Variants in ELAPOR1 observed in about 807,000 individuals in gnomAD.
ELAPOR1 encodes the protein endosome/lysosome-associated apoptosis and autophagy regulator 1.
ELAPOR1 carries 77 observed loss-of-function variants against 119.7 expected under a neutral mutation model. That is an observed-to-expected ratio of 0.64 (90% CI 0.54 to 0.78). The LOEUF (loss-of-function observed/expected upper bound fraction) is 0.78, where lower values mean the gene tolerates loss of function less well. Among genes scored for constraint, ELAPOR1 ranks in the 30% least tolerant of loss-of-function variants. The pLI is 0.00. For missense variants in ELAPOR1, 1,115 were observed against 1,270.4 expected (o/e 0.88, Z 1.86); for synonymous variants, 481 against 487.2 (o/e 0.99, Z 0.17).
At position 109,173,823 on chromosome 1, in the gene ELAPOR1, C is replaced by G. The variant is rs772665246; in HGVS notation, c.938C>G (p.Pro313Arg). 3 of 1,613,954 alleles carry G rather than the reference C, an allele frequency of 1.9e-6. No individual in the cohort carries two copies. Among genetic ancestry groups the G allele is most frequent in the South Asian group, 2.2e-5 (2 of 91,074 alleles). The part of the protein sequence containing the change: ...KGETSCHQCD[P>R]DKYSEKGSSS... ...GAAACTTCTTGCCACCAGTGTGACCCTGACAAATACTCAGGTGATGTTTCT... is the reference window on the plus strand; with the variant it reads ...GAAACTTCTTGCCACCAGTGTGACCGTGACAAATACTCAGGTGATGTTTCT... Residue 313 changes from proline to arginine, a missense_variant, in exon 7 of 22, where the codon CCT becomes CGT. Coordinates refer to ENST00000369939, the MANE Select transcript of ELAPOR1 (RefSeq NM_020775.5).
intron 1 of ELAPOR1, among the ~76,000 whole-genome samples, chr1:109,128,188 T>C (rs1648916551): frequency 6.6e-6 from 1 of 150,430 alleles, no homozygotes; most frequent in Non-Finnish European, 1.5e-5. Context: ...AAAGGCACTT[T>C]TAAAAGATCC....
intron 7 of ELAPOR1, among the ~76,000 whole-genome samples, chr1:109,174,210 G>T (rs1652103012): frequency 6.6e-6 from 1 of 150,472 alleles, no homozygotes; most frequent in African/African-American, 2.4e-5. Flanking sequence ...AGAGACAGGG[G>T]TCTTGCTAGT....
intron 7 of ELAPOR1, among the ~76,000 whole-genome samples, chr1:109,183,875 C>T (rs1652894051): frequency 6.6e-6 from 1 of 152,044 alleles, no homozygotes; most frequent in Non-Finnish European, 1.5e-5. Flanking sequence ...GCTGGGATTA[C>T]AGGCATGAAC....
intron 15 of ELAPOR1, among the ~76,000 whole-genome samples, chr1:109,196,688 CTT>C (rs57071302): frequency 0.25 from 36,856 of 144,674 alleles, 4,852 homozygotes; most frequent in East Asian, 0.52. Context: ...AGATTTAGCA[CTT>C]TTTTTTTTTT....
intron 1 of ELAPOR1, among the ~76,000 whole-genome samples, chr1:109,160,759 A>G (rs1399931191): frequency 6.6e-6 from 1 of 152,224 alleles, no homozygotes; most frequent in Non-Finnish European, 1.5e-5. Flanking sequence ...GTAAGTGTAG[A>G]TTGTAAAATA....
intron 1 of ELAPOR1, among the ~76,000 whole-genome samples, chr1:109,129,273 G>A (rs1648987154): frequency 6.6e-6 from 1 of 152,190 alleles, no homozygotes; most frequent in Non-Finnish European, 1.5e-5. Flanking sequence ...ACTTTGGGAG[G>A]CCTAGGCGGG....
intron 6 of ELAPOR1, 22 bp from the exon 7 acceptor site, chr1:109,173,666 C>T (rs1267087906): frequency 3.1e-6 from 5 of 1,613,424 alleles, no homozygotes; most frequent in Non-Finnish European, 3.4e-6. Flanking sequence ...CCTTGCTTTT[C>T]TGTGCTCTTC....
chr1:109,152,020 C>T (rs750508146), intron 1 of ELAPOR1, among the ~76,000 whole-genome samples: 12 of 152,038 alleles, frequency 7.9e-5, no homozygotes, highest in African/African-American at 1.9e-4. Context: ...ACTACAGGCA[C>T]GTGCCACCAC....
rs769343734 is a variant in ELAPOR1, at chr1:109,194,377, G to A, written c.1948-44G>A. 4 of 1,578,322 alleles carry A rather than the reference G, an allele frequency of 2.5e-6. No homozygotes were observed. The East Asian group carries it at 9.0e-5, about 35-fold the overall frequency. On this transcript the variant is annotated intron_variant, in intron 14 of 21. Coordinates refer to ENST00000369939, the MANE Select transcript of ELAPOR1 (RefSeq NM_020775.5). ...CTACTCTTGGCTGCAGGCCCTCAAG[G>A]CCCTTCCTGACCAGCTGGCCCGACC...
At chr1:109,123,947 C>T (rs1052176693) in intron 1 of ELAPOR1, among the ~76,000 whole-genome samples, 21 of 152,204 alleles carry the variant, frequency 1.4e-4, no homozygotes, top group Middle Eastern at 3.4e-3. Flanking sequence ...GTACTACAGG[C>T]GTGGGCCACC....
intron 2 of ELAPOR1, among the ~76,000 whole-genome samples, chr1:109,164,197 C>T (rs1459098165): frequency 1.3e-5 from 2 of 152,136 alleles, no homozygotes; most frequent in African/African-American, 4.8e-5. Context: ...AGCAATCTCT[C>T]CCCAGGCCCC....
At chr1:109,170,150 T>A (rs1221772302) in intron 3 of ELAPOR1, among the ~76,000 whole-genome samples, 2 of 152,230 alleles carry the variant, frequency 1.3e-5, no homozygotes, top group Non-Finnish European at 2.9e-5. Flanking sequence ...CCATACAGTA[T>A]GTTGTTTAGA....
chr1:109,186,249 G>C (rs970244865), intron 8 of ELAPOR1, among the ~76,000 whole-genome samples: 1 of 152,106 alleles, frequency 6.6e-6, no homozygotes, highest in Non-Finnish European at 1.5e-5. Context: ...GGCGGCAGCT[G>C]GGCCAGGTGG....
intron 8 of ELAPOR1, chr1:109,187,868 T>G (rs1458227417): frequency 9.3e-7 from 1 of 1,078,352 alleles, no homozygotes; most frequent in Non-Finnish European, 1.1e-6. Flanking sequence ...AATAAGATTC[T>G]ACAGTGGAAT....
At chr1:109,142,956 T>C (rs1173257929) in intron 1 of ELAPOR1, among the ~76,000 whole-genome samples, 1 of 137,840 alleles carries the variant, frequency 7.3e-6, no homozygotes, top group East Asian at 2.0e-4. Context: ...ATACAATGGA[T>C]TTTTTTTTTT....
rs1333952808 is a variant in ELAPOR1, at chr1:109,173,533, G to T, written c.756G>T (p.Trp252Cys). 1 of 1,614,050 alleles carries T rather than the reference G, an allele frequency of 6.2e-7. No individual in the cohort carries two copies. Among genetic ancestry groups the T allele is most frequent in the Non-Finnish European group, 8.5e-7 (1 of 1,180,038 alleles). Reference sequence around the variant, plus strand: ...GGAGAACCACAGCCTTCTCAGTATGGACCAAAGTACCCAAGCCTGTGCTGG... The same window carrying T: ...GGAGAACCACAGCCTTCTCAGTATGTACCAAAGTACCCAAGCCTGTGCTGG... ...LYWRTTAFSV[W>C]TKVPKPVLVR... is the part of the protein sequence containing the mutation. Residue 252 changes from tryptophan to cysteine, a missense_variant, in exon 6 of 22, where the codon TGG becomes TGT. Transcript: ENST00000369939.
rs1394975391 is a variant in ELAPOR1, at chr1:109,185,044, G to A, written c.953-1G>A. 1 of 1,613,296 alleles carries A rather than the reference G, an allele frequency of 6.2e-7. No homozygotes were observed. Among genetic ancestry groups the A allele is most frequent in the Non-Finnish European group, 8.5e-7 (1 of 1,179,254 alleles). ...TATTTCTTCTTGCTTTGGCAATTTA[G>A]AGAAAGGATCTTCTTCCTGTAACGT... On this transcript the variant is annotated splice_acceptor_variant, in intron 7 of 21. Transcript: ENST00000369939. LOFTEE classifies it high-confidence loss of function.
intron 1 of ELAPOR1, among the ~76,000 whole-genome samples, chr1:109,155,058 C>G (rs937564349): frequency 6.6e-6 from 1 of 152,176 alleles, no homozygotes; most frequent in Non-Finnish European, 1.5e-5. Context: ...CACTCCCCAC[C>G]ACATACACAT....
chr1:109,189,212 T>G lies in ELAPOR1; in HGVS notation c.1348+18T>G. On this transcript the variant is annotated intron_variant, in intron 10 of 21. Transcript: ENST00000369939. ...CATGACAGGTAATTGCCTCTCCCTGTGCCATGAGCTGTCAGCTCCCTGCAC... is the reference window on the plus strand; with the variant it reads ...CATGACAGGTAATTGCCTCTCCCTGGGCCATGAGCTGTCAGCTCCCTGCAC... 3 of 1,610,818 alleles carry G rather than the reference T, an allele frequency of 1.9e-6. No homozygotes were observed. Among genetic ancestry groups the G allele is most frequent in the Non-Finnish European group, 2.5e-6 (3 of 1,178,390 alleles).
Sources: gnomAD v4.1 joint callset for allele counts (sites outside exome capture counted in the v4.1 genomes callset) on GRCh38, gnomAD v4.1.1 for gene constraint, MANE v1.5 for transcripts, NCBI Gene and HGNC (gene_info 2026-07-23, HGNC 2026-07-21) for gene names.